UGT1A7: variants seen among roughly 807,000 people sequenced by gnomAD.
UGT1A7 encodes the protein UDP-glucuronosyltransferase 1A7.
A neutral mutation model predicts 45.6 loss-of-function variants in UGT1A7; 33 were observed. The observed-to-expected ratio is 0.72, with a 90% CI of 0.55 to 0.97. UGT1A7 has a LOEUF of 0.97. Among genes scored for constraint, UGT1A7 ranks in the 50% least tolerant of loss-of-function variants. UGT1A7 has a pLI of 0.00. For synonymous variants in UGT1A7, 274 were observed against 250.6 expected (o/e 1.09, Z -0.88); for missense variants, 684 against 666.2 (o/e 1.03, Z -0.29).
chr2:233,716,515 C>G (rs915755081), intron 1 of UGT1A7, among the ~76,000 whole-genome samples: 1 of 152,192 alleles, frequency 6.6e-6, no homozygotes, highest in Admixed American at 6.5e-5. Flanking sequence ...GAGCTCTCAG[C>G]TTACCATTCA....
chr2:233,729,730 T>G (rs1164529541), intron 1 of UGT1A7: 2 of 1,613,840 alleles, frequency 1.2e-6, no homozygotes, highest in Non-Finnish European at 1.7e-6. Flanking sequence ...AACAACCAAT[T>G]CAGACCACAT....
At chr2:233,691,138 TG>T in intron 1 of UGT1A7, 1 of 985,810 alleles carries the variant, frequency 1.0e-6, no homozygotes, top group Non-Finnish European at 1.2e-6. Context: ...TTCCTCTAGA[TG>T]AACTGTTCTT....
chr2:233,729,640 T>C, intron 1 of UGT1A7: 1 of 1,613,966 alleles, frequency 6.2e-7, no homozygotes, highest in East Asian at 2.2e-5. Flanking sequence ...TACTGTGTTT[T>C]TTTTGAGGAA....
intron 1 of UGT1A7, chr2:233,717,750 C>A (rs1480430133): frequency 6.6e-6 from 3 of 456,544 alleles, no homozygotes; most frequent in East Asian, 1.4e-4. Context: ...AGGGTCTCCC[C>A]CTAGAAAGGC....
At chr2:233,721,970 T>C (rs996384194) in intron 1 of UGT1A7, 2 of 281,884 alleles carry the variant, frequency 7.1e-6, no homozygotes, top group African/African-American at 4.4e-5. Context: ...CATACATTGA[T>C]GGCCTGGGTA....
Position 233,772,346 on chromosome 2 carries a change from G to C in UGT1A7, c.1380G>C (p.Glu460Asp), listed in dbSNP as rs115944950. ...TGGACCTGGCCGTGTTCTGGGTGGA[G>C]TTTGTGATGAGGCACAAGGGCGCGC... ...EPLDLAVFWVEFVMRHKGAPH... is the reference protein window; with the variant it reads ...EPLDLAVFWVDFVMRHKGAPH... Residue 460 changes from glutamate (E) to aspartate (D), a missense_variant, in exon 5 of 5, where the codon GAG (glutamate) becomes GAC (aspartate). Coordinates refer to ENST00000373426, the MANE Select transcript of UGT1A7 (RefSeq NM_019077.3). 30 of 1,614,132 alleles carry C rather than the reference G, an allele frequency of 1.9e-5. No individual in the cohort carries two copies. In the East Asian group the frequency reaches 6.5e-4, roughly 35 times the overall value.
chr2:233,749,830 G>A (rs1694282037), intron 1 of UGT1A7, among the ~76,000 whole-genome samples: 1 of 151,888 alleles, frequency 6.6e-6, no homozygotes, highest in African/African-American at 2.4e-5. Flanking sequence ...TCTCTTTCAT[G>A]TAAGACGTGT....
At chr2:233,767,269 G>T in intron 2 of UGT1A7, 104 bp downstream of exon 2, 1 of 1,582,682 alleles carries the variant, frequency 6.3e-7, no homozygotes, top group South Asian at 1.2e-5. Flanking sequence ...CTTAGATTTG[G>T]CTTTTCCCTG....
At chr2:233,730,314 G>A (rs1295285736) in intron 1 of UGT1A7, among the ~76,000 whole-genome samples, 3 of 152,172 alleles carry the variant, frequency 2.0e-5, no homozygotes, top group Admixed American at 6.5e-5. Flanking sequence ...AGCTTGGCAG[G>A]AACAGGGACA....
rs1700239746 is a variant in UGT1A7, at chr2:233,771,113, A to C, written c.1296-1149A>C. The C allele has an allele frequency of 2.0e-5, 3 of 152,176 alleles. No homozygotes were observed. The South Asian group carries it at 6.2e-4, about 32-fold the overall frequency. The allele number at this position is 152,176 out of a possible 1,614,324, so 9.4% of individuals were successfully genotyped here. A position where few individuals can be genotyped will look rare whatever the true frequency, so the allele number is the denominator to read the frequency against. ...TATCAGGAAGACAGCACTAAAGCAC[A>C]AGGGATCCGACCCCATGATCCAAAC... is the stretch of plus-strand genomic sequence containing the variant. On this transcript the variant is annotated intron_variant, in intron 4 of 4. Transcript: ENST00000373426.
At chr2:233,747,075 A>G in intron 1 of UGT1A7, 1 of 1,060,426 alleles carries the variant, frequency 9.4e-7, no homozygotes. Flanking sequence ...GTAATAATTA[A>G]CTAGGAGGAG....
chr2:233,716,876 G>C (rs1278140723), intron 1 of UGT1A7, among the ~76,000 whole-genome samples: 4 of 152,084 alleles, frequency 2.6e-5, no homozygotes, highest in Non-Finnish European at 5.9e-5. Flanking sequence ...AAGTCTATCT[G>C]TGCAGCCCAG....
chr2:233,762,669 A>T (rs1575790989), intron 1 of UGT1A7, among the ~76,000 whole-genome samples: 1 of 150,304 alleles, frequency 6.7e-6, no homozygotes, highest in Non-Finnish European at 1.5e-5. Flanking sequence ...TTTAAAAAAC[A>T]TTTGTTCTGT....
intron 1 of UGT1A7, among the ~76,000 whole-genome samples, chr2:233,710,938 C>T (rs1294280393): frequency 6.6e-6 from 1 of 152,316 alleles, no homozygotes; most frequent in East Asian, 1.9e-4. Context: ...TTGTTTAGGT[C>T]TTTGTTTATG....
intron 1 of UGT1A7, chr2:233,760,221 A>G (rs920580015): frequency 2.5e-5 from 40 of 1,592,616 alleles, no homozygotes; most frequent in Non-Finnish European, 3.3e-5. Context: ...TGGTGTATCG[A>G]TTGGTTTTTG....
chr2:233,749,312 T>A (rs900685168), intron 1 of UGT1A7, among the ~76,000 whole-genome samples: 1 of 151,978 alleles, frequency 6.6e-6, no homozygotes, highest in African/African-American at 2.4e-5. Context: ...TATGTGTTTA[T>A]TAGATTTGTA....
intron 1 of UGT1A7, among the ~76,000 whole-genome samples, chr2:233,738,716 A>T (rs1342041986): frequency 6.6e-6 from 1 of 152,244 alleles, no homozygotes; most frequent in Non-Finnish European, 1.5e-5. Flanking sequence ...AGAGCATAAA[A>T]GTTTGGAAAA....
intron 1 of UGT1A7, among the ~76,000 whole-genome samples, chr2:233,737,114 T>A (rs79657348): frequency 0.021 from 3,211 of 152,324 alleles, 101 homozygotes; most frequent in African/African-American, 0.073. Context: ...TCCCCACATG[T>A]TCAGAAGTTG....
Position 233,769,463 on chromosome 2 carries a change from G to A in UGT1A7, c.1295+1024G>A. On this transcript the variant is annotated intron_variant, in intron 4 of 4. Coordinates refer to ENST00000373426, the MANE Select transcript of UGT1A7 (RefSeq NM_019077.3). The surrounding 1 kb of genome is among the most constrained non-coding windows in gnomAD (Gnocchi z 4.4). Reference sequence around the variant, plus strand: ...TGGGTGCACACGTGTGCATTCATATGCGTGTGTGTGTGTGTGCGTGTGTTT... The same window carrying A: ...TGGGTGCACACGTGTGCATTCATATACGTGTGTGTGTGTGTGCGTGTGTTT... 6.3e-7 allele frequency: 1 copy of A among 1,598,098 alleles called. No homozygotes were observed. The highest frequency in any genetic ancestry group is 8.6e-7 in the Non-Finnish European group (1 of 1,168,000).
Sources: allele counts gnomAD v4.1 joint callset (sites outside exome capture counted in the v4.1 genomes callset), GRCh38; gene constraint gnomAD v4.1.1; non-coding constraint Gnocchi (gnomAD v3.1); transcripts MANE v1.5; gene names NCBI Gene and HGNC (gene_info 2026-07-23, HGNC 2026-07-21).